TAOK1: variants seen among roughly 807,000 people sequenced by gnomAD.
TAOK1 encodes TAO kinase 1, also known as serine/threonine-protein kinase TAO1.
A neutral mutation model predicts 138.3 loss-of-function variants in TAOK1; 21 were observed. The observed-to-expected ratio is 0.15, with a 90% CI of 0.11 to 0.22. TAOK1 has a LOEUF of 0.22. TAOK1 is among the 10% of genes least tolerant of loss of function. TAOK1 has a pLI of 1.00. For missense variants in TAOK1, 651 were observed against 1,227.7 expected (o/e 0.53, Z 7.02); for synonymous variants, 361 against 398.4 (o/e 0.91, Z 1.12).
chr17:29,414,700 G>T (rs1209454896), intron 1 of TAOK1, among the ~76,000 whole-genome samples: 1 of 151,564 alleles, frequency 6.6e-6, no homozygotes, highest in Non-Finnish European at 1.5e-5. Flanking sequence ...GGGACTACAA[G>T]CACGCACCAC....
Position 29,421,871 on chromosome 17 carries a change from A to T in TAOK1, c.-94-29584A>T, listed in dbSNP as rs547304722. Reference sequence around the variant, plus strand: ...TCGCCACTCGGCTTCCTATAGTGCTAGGATTACAGGTGTGAGCCACTGTGC... The same window carrying T: ...TCGCCACTCGGCTTCCTATAGTGCTTGGATTACAGGTGTGAGCCACTGTGC... On this transcript the variant is annotated intron_variant, in intron 1 of 19. Transcript: ENST00000261716. Among the ~76,000 whole-genome samples the T allele has an allele frequency of 5.5e-4, 84 of 151,694 alleles. 1 individual carries two copies. In the South Asian group the frequency reaches 0.016, roughly 30 times the overall value.
chr17:29,488,814 G>A (rs1299097867), intron 8 of TAOK1, among the ~76,000 whole-genome samples: 2 of 151,846 alleles, frequency 1.3e-5, no homozygotes, highest in African/African-American at 2.4e-5. Flanking sequence ...AGAAGGTAGA[G>A]GATAATAAAG....
At chr17:29,408,068 G>C (rs1450898712) in intron 1 of TAOK1, among the ~76,000 whole-genome samples, 1 of 151,908 alleles carries the variant, frequency 6.6e-6, no homozygotes, top group Non-Finnish European at 1.5e-5. Flanking sequence ...TCTAGATTCT[G>C]TGCCAGGATA....
Position 29,482,259 on chromosome 17 carries a change from G to C in TAOK1, c.626G>C (p.Trp209Ser), listed in dbSNP as rs2031080312. 1 of 1,612,388 alleles carries C rather than the reference G, an allele frequency of 6.2e-7. No individual in the cohort carries two copies. ...EGQYDGKVDV[W>S]SLGITCIELA... ...CAATATGATGGCAAAGTAGATGTGT[G>C]GTCTCTTGGAATAACATGTATTGAA... Residue 209 changes from tryptophan (W) to serine (S), a missense_variant, in exon 8 of 20, where the codon TGG (tryptophan) becomes TCG (serine). Physicochemically the swap from Trp to Ser is radical, Grantham distance 177. Around this residue, in one of 8 missense-constraint regions of TAOK1, gnomAD observed 20 missense variants for 88.6 expected, o/e 0.23. Transcript: ENST00000261716.
In TAOK1 at chr17:29,408,287, G is replaced by A. The variant is rs1027592366; in HGVS notation, c.-95+17263G>A. ...TCCCCCAGGGCTGGAGTGCAGTGGC[G>A]CAATCTCAGCACACCCCAACGTCTG... On this transcript the variant is annotated intron_variant, in intron 1 of 19. Transcript: ENST00000261716. Among the ~76,000 whole-genome samples the A allele has an allele frequency of 1.0e-4, 15 of 148,530 alleles. No individual in the cohort carries two copies. The East Asian group carries it at 2.6e-3, about 26-fold the overall frequency.
In TAOK1 at chr17:29,543,285, A is replaced by G. The variant is rs2032350535; in HGVS notation, c.*263A>G. ...AAAATAAATGTGTATGTGTGTACAT[A>G]TATATACACACACATACACATATAT... On this transcript the variant is annotated 3_prime_UTR_variant, in exon 20 of 20. Transcript: ENST00000261716. The G allele has an allele frequency of 6.6e-6, 2 of 302,590 alleles. No homozygotes were observed. The highest frequency in any genetic ancestry group is 1.2e-5 in the Non-Finnish European group (2 of 160,236). 18.7% of individuals were successfully genotyped at this position (302,590 alleles called of 1,614,324 possible).
intron 13 of TAOK1, among the ~76,000 whole-genome samples, chr17:29,503,421 G>T (rs974348728): frequency 6.8e-6 from 1 of 148,094 alleles, no homozygotes; most frequent in Non-Finnish European, 1.5e-5. Flanking sequence ...AAAAAAGAAT[G>T]TGGACAGTAA....
intron 3 of TAOK1, among the ~76,000 whole-genome samples, chr17:29,472,097 A>C (rs1281402773): frequency 6.6e-6 from 1 of 152,104 alleles, no homozygotes; most frequent in African/African-American, 2.4e-5. Context: ...GTTGGAATCC[A>C]CTTATTGCAA....
At chr17:29,527,036 G>C (rs572216822) in intron 17 of TAOK1, among the ~76,000 whole-genome samples, 194 of 152,160 alleles carry the variant, frequency 1.3e-3, no homozygotes, top group African/African-American at 4.5e-3. Context: ...TGAGGCAAGA[G>C]AATCGCTTGA....
intron 1 of TAOK1, among the ~76,000 whole-genome samples, chr17:29,414,413 C>T (rs996896457): frequency 1.3e-5 from 2 of 151,912 alleles, no homozygotes; most frequent in African/African-American, 4.8e-5. Context: ...CTGTGCCTGG[C>T]TAATTTTTGT....
At chr17:29,449,230 T>C (rs149638994) in intron 1 of TAOK1, among the ~76,000 whole-genome samples, 103 of 152,246 alleles carry the variant, frequency 6.8e-4, no homozygotes, top group African/African-American at 2.4e-3. Flanking sequence ...TAGTTCAGCC[T>C]ACTCAGTTTA....
intron 1 of TAOK1, among the ~76,000 whole-genome samples, chr17:29,434,013 G>A (rs150725878): frequency 1.1e-4 from 17 of 152,248 alleles, no homozygotes; most frequent in African/African-American, 4.1e-4. Context: ...TGGCCTGAAG[G>A]CAAGAACAGA....
chr17:29,429,339 C>A lies in TAOK1; in HGVS notation c.-94-22116C>A, dbSNP rs1227399637. Among the ~76,000 whole-genome samples the A allele has an allele frequency of 2.0e-5, 3 of 151,924 alleles. No individual in the cohort carries two copies. In the East Asian group the frequency reaches 5.8e-4, roughly 29 times the overall value. On this transcript the variant is annotated intron_variant, in intron 1 of 19. Transcript: ENST00000261716. ...TTGGAGAGTCTCACTCTGTCCCCCACACTGGGGGACACTACACCCTCCATC... is the reference window on the plus strand; with the variant it reads ...TTGGAGAGTCTCACTCTGTCCCCCAAACTGGGGGACACTACACCCTCCATC...
At chr17:29,533,441 C>T (rs1279044189) in intron 18 of TAOK1, among the ~76,000 whole-genome samples, 4 of 151,942 alleles carry the variant, frequency 2.6e-5, no homozygotes, top group Admixed American at 1.3e-4. Context: ...GATGGGGTGG[C>T]GGCCGGGCAG....
intron 1 of TAOK1, among the ~76,000 whole-genome samples, chr17:29,418,851 A>G (rs981221312): frequency 2.0e-5 from 3 of 151,716 alleles, no homozygotes; most frequent in African/African-American, 4.8e-5. Context: ...GGGGCTGACT[A>G]TAGTAAGTTT....
chr17:29,533,004 A>ACGGGGTGGTTG lies in TAOK1; in HGVS notation c.2362-1114_2362-1113insCGGGGTGGTTG, dbSNP rs766983857. Among the ~76,000 whole-genome samples, 2 of 65,332 alleles carry ACGGGGTGGTTG rather than the reference A, an allele frequency of 3.1e-5. 1 individual carries two copies. Among genetic ancestry groups the ACGGGGTGGTTG allele is most frequent in the African/African-American group, 1.2e-4 (2 of 16,548 alleles). The allele number at this position is 65,332 out of a possible 152,430, so 42.9% of individuals were successfully genotyped here. On this transcript the variant is annotated intron_variant, in intron 18 of 19. Coordinates refer to ENST00000261716, the MANE Select transcript of TAOK1 (RefSeq NM_020791.4). ...GCAGGGGGCTGACCCCCCCACCTCC[A>ACGGGGTGGTTG]ACCGGGCGGGGGGCTGACCCCCACC...
At chr17:29,421,578 A>G (rs1905445905) in intron 1 of TAOK1, among the ~76,000 whole-genome samples, 1 of 152,174 alleles carries the variant, frequency 6.6e-6, no homozygotes, top group Non-Finnish European at 1.5e-5. Context: ...ATTATGAATT[A>G]TATTACTTTA....
chr17:29,493,398 G>A (rs528133367), intron 10 of TAOK1, among the ~76,000 whole-genome samples: 5 of 151,672 alleles, frequency 3.3e-5, no homozygotes, highest in Non-Finnish European at 7.4e-5. Flanking sequence ...GGAGGCTGAC[G>A]CAGGAGAATC....
At chr17:29,481,607 T>G (rs2031063655) in intron 7 of TAOK1, among the ~76,000 whole-genome samples, 1 of 152,130 alleles carries the variant, frequency 6.6e-6, no homozygotes, top group African/African-American at 2.4e-5. Context: ...AATTCTGCCT[T>G]GGGAGCCTCT....
Sources: allele counts gnomAD v4.1 joint callset (sites outside exome capture counted in the v4.1 genomes callset), GRCh38; gene constraint gnomAD v4.1.1; regional missense constraint gnomAD v4.1.1; transcripts MANE v1.5; gene names NCBI Gene and HGNC (gene_info 2026-07-23, HGNC 2026-07-21).